CD93: variants seen among roughly 807,000 people sequenced by gnomAD.
CD93 encodes complement component C1q receptor.
Under a neutral mutation model 45.5 loss-of-function variants are expected in CD93, and 44 were observed. That is an observed-to-expected ratio of 0.97 (90% CI 0.76 to 1.24). The LOEUF (loss-of-function observed/expected upper bound fraction) is 1.24. CD93 is among the 50% of genes most tolerant of loss of function. CD93 has a pLI of 0.00. For synonymous variants in CD93, 431 were observed against 370.8 expected (o/e 1.16, Z -1.87); for missense variants, 918 against 844.5 (o/e 1.09, Z -1.08).
At position 23,084,641 on chromosome 20, in the gene CD93, T is replaced by C. The variant is rs748922159; in HGVS notation, c.1552A>G (p.Arg518Gly). Residue 518 changes from arginine to glycine, a missense_variant, in exon 1 of 2, where the codon AGA (arginine) becomes GGA (glycine). By Grantham distance (125) the Arg-to-Gly change is moderately radical. Transcript: ENST00000246006. ...GTPKATPTTS[R>G]PSLSSDAPIT... ...GGGGCGTCAGATGACAGCGAAGGTC[T>C]ACTTGTGGTGGGTGTAGCCTTGGGG... is the stretch of plus-strand genomic sequence containing the variant. 3 of 1,600,806 alleles carry C rather than the reference T, an allele frequency of 1.9e-6. No homozygotes were observed. The South Asian group carries it at 3.4e-5, about 18-fold the overall frequency.
At position 23,084,959 on chromosome 20, in the gene CD93, C is replaced by T. The variant is rs761270148; in HGVS notation, c.1234G>A (p.Glu412Lys). 2 of 1,613,784 alleles carry T rather than the reference C, an allele frequency of 1.2e-6. No individual in the cohort carries two copies. The highest frequency in any genetic ancestry group is 2.2e-5 in the South Asian group (2 of 91,088). The change falls in exon 1 of 2, where the codon GAG becomes AAG. Residue 412 changes from glutamate (E) to lysine (K), a missense_variant. Transcript: ENST00000246006. Reference sequence around the variant, plus strand: ...TCCCCGGCCAGGACGTAGCCCTCCTCACAGGAGCAGTGAAATGAGCCATCT... The same window carrying T: ...TCCCCGGCCAGGACGTAGCCCTCCTTACAGGAGCAGTGAAATGAGCCATCT... ...NTDGSFHCSC[E>K]EGYVLAGEDG... is the part of the protein sequence containing the mutation.
In CD93 at chr20:23,080,034, GA is replaced by G. The variant is rs983961204; in HGVS notation, c.*3915del. Reference sequence around the variant, plus strand: ...CCATGGGTTTTGCAGCCGAAGTAGAGACAGATGTTTTCTGGGATCATATCTC... The same window carrying G: ...CCATGGGTTTTGCAGCCGAAGTAGAGCAGATGTTTTCTGGGATCATATCTC... On this transcript the variant is annotated 3_prime_UTR_variant, in exon 2 of 2. Coordinates refer to ENST00000246006, the MANE Select transcript of CD93 (RefSeq NM_012072.4). 2 of 152,112 alleles carry G rather than the reference GA, an allele frequency of 1.3e-5. No homozygotes were observed. The highest frequency in any genetic ancestry group is 4.8e-5 in the African/African-American group (2 of 41,368). The allele number at this position is 152,112 out of a possible 1,614,324, so 9.4% of individuals were successfully genotyped here.
In CD93 at chr20:23,079,620, A is replaced by G. The variant is rs7492; in HGVS notation, c.*4330T>C. Reference sequence around the variant, plus strand: ...AAAAATACTTACATTCTCATTTAGCATTCATGAAGTGATTACTGACATTTA... The same window carrying G: ...AAAAATACTTACATTCTCATTTAGCGTTCATGAAGTGATTACTGACATTTA... On this transcript the variant is annotated 3_prime_UTR_variant, in exon 2 of 2. Coordinates refer to ENST00000246006, the MANE Select transcript of CD93 (RefSeq NM_012072.4). 133,456 of 152,226 alleles carry G rather than the reference A, an allele frequency of 0.88. 58,716 individuals carry two copies. Among genetic ancestry groups the G allele is most frequent in the East Asian group, 0.96 (4,949 of 5,168 alleles). 9.4% of individuals were successfully genotyped at this position (152,226 alleles called of 1,614,324 possible).
chr20:23,084,990 G>A lies in CD93; in HGVS notation c.1203C>T (p.Thr401=), dbSNP rs1055088849. ...AGCAGTGAAATGAGCCATCTGTGTT[G>A]GTGCAGCCCTGGGCGCAAGGCGAGC... ...LGRSPCAQGC[T]NTDGSFHCSC... is the part of the protein sequence containing the mutation. Residue 401 remains threonine (T), a synonymous_variant, in exon 1 of 2, where the codon ACC becomes ACT. Coordinates refer to ENST00000246006, the MANE Select transcript of CD93 (RefSeq NM_012072.4). 6.2e-7 allele frequency: 1 copy of A among 1,613,908 alleles called. No homozygotes were observed. The highest frequency in any genetic ancestry group is 8.5e-7 in the Non-Finnish European group (1 of 1,180,004).
intron 1 of CD93, 81 bp from the exon 2 acceptor site, chr20:23,084,055 G>C: frequency 6.5e-7 from 1 of 1,542,418 alleles, no homozygotes; most frequent in Non-Finnish European, 9.0e-7. Flanking sequence ...AGAGCCCCAC[G>C]TGCGGCCGTG....
Position 23,085,438 on chromosome 20 carries a change from C to G in CD93, c.755G>C (p.Ser252Thr). ...GGGGCTGACACAGAGGGGGCCCGAG[C>G]TGCCCCAGTCGAACACATCGGGGGC... is the stretch of plus-strand genomic sequence containing the variant. ...EKAPDVFDWG[S>T]SGPLCVSPKY... Residue 252 changes from serine (S) to threonine (T), a missense_variant, in exon 1 of 2, where the codon AGC becomes ACC. Coordinates refer to ENST00000246006, the MANE Select transcript of CD93 (RefSeq NM_012072.4). The G allele has an allele frequency of 3.1e-6, 5 of 1,613,840 alleles. No homozygotes were observed. Among genetic ancestry groups the G allele is most frequent in the Non-Finnish European group, 4.2e-6 (5 of 1,180,012 alleles).
Position 23,083,821 on chromosome 20 carries a change from G to T in CD93, c.*129C>A. ...TGTTCCAAGGGGCCTTTAAGGAGGA[G>T]ACTTACAATTGTTTGCTAAGATTCC... On this transcript the variant is annotated 3_prime_UTR_variant, in exon 2 of 2. Coordinates refer to ENST00000246006, the MANE Select transcript of CD93 (RefSeq NM_012072.4). 1.2e-6 allele frequency: 1 copy of T among 855,714 alleles called. No individual in the cohort carries two copies. The highest frequency in any genetic ancestry group is 2.0e-6 in the Non-Finnish European group (1 of 493,408). 53.0% of individuals were successfully genotyped at this position (855,714 alleles called of 1,614,324 possible). A position where few individuals can be genotyped will look rare whatever the true frequency, so the allele number is the denominator to read the frequency against.
chr20:23,084,785 C>T lies in CD93; in HGVS notation c.1408G>A (p.Gly470Arg), dbSNP rs1403426671. Residue 470 changes from glycine (G) to arginine (R), a missense_variant, in exon 1 of 2, where the codon GGG (glycine) becomes AGG (arginine). Gly to Arg is a moderately radical substitution (Grantham distance 125). Transcript: ENST00000246006. ...GATGGTGGTCCCAGAGACACAGGCC[C>T]CATGGTGCAAGAGACCCCATTTGGG... is the stretch of plus-strand genomic sequence containing the variant. ...LAPNGVSCTM[G>R]PVSLGPPSGP... 1.4e-5 allele frequency: 22 copies of T among 1,613,180 alleles called. No homozygotes were observed. The highest frequency in any genetic ancestry group is 1.9e-5 in the Non-Finnish European group (22 of 1,179,930).
Position 23,082,851 on chromosome 20 carries a change from G to A in CD93, c.*1099C>T, listed in dbSNP as rs1002855831. ...CACACTTCAGGATTTAAAATCTCAGGATGCTGCATCAACTGTGGACTATGA... is the reference window on the plus strand; with the variant it reads ...CACACTTCAGGATTTAAAATCTCAGAATGCTGCATCAACTGTGGACTATGA... On this transcript the variant is annotated 3_prime_UTR_variant, in exon 2 of 2. Coordinates refer to ENST00000246006, the MANE Select transcript of CD93 (RefSeq NM_012072.4). 6 of 152,594 alleles carry A rather than the reference G, an allele frequency of 3.9e-5. No individual in the cohort carries two copies. Among genetic ancestry groups the A allele is most frequent in the South Asian group, 2.1e-4 (1 of 4,826 alleles). The allele number at this position is 152,594 out of a possible 1,614,324, so 9.5% of individuals were successfully genotyped here.
In CD93 at chr20:23,085,360, C is replaced by A. The variant is rs200571735; in HGVS notation, c.833G>T (p.Gly278Val). The change falls in exon 1 of 2, where the codon GGG becomes GTG. Residue 278 changes from glycine to valine, a missense_variant. Transcript: ENST00000246006. ...GCCGCAGAGGAAGGAGCCATCCCCC[C>A]CTTCAAAGCAGTCCTGGTGGCAGCC... is the stretch of plus-strand genomic sequence containing the variant. ...NGGCHQDCFE[G>V]GDGSFLCGCR... The A allele has an allele frequency of 4.3e-5, 69 of 1,613,930 alleles. No individual in the cohort carries two copies. The highest frequency in any genetic ancestry group is 3.6e-4 in the East Asian group (16 of 44,882).
chr20:23,085,104 C>A lies in CD93; in HGVS notation c.1089G>T (p.Gly363=). Residue 363 remains glycine (G), a synonymous_variant, in exon 1 of 2, where the codon GGG becomes GGT. Coordinates refer to ENST00000246006, the MANE Select transcript of CD93 (RefSeq NM_012072.4). ...PCAQECVNTP[G]GFRCECWVGY... ...CAACCCAGCATTCGCAGCGGAAGCC[C>A]CCAGGGGTGTTGACACACTCCTGGG... The A allele has an allele frequency of 6.2e-7, 1 of 1,602,566 alleles. No individual in the cohort carries two copies. Among genetic ancestry groups the A allele is most frequent in the East Asian group, 2.2e-5 (1 of 44,732 alleles).
Position 23,085,024 on chromosome 20 carries a change from G to T in CD93, c.1169C>A (p.Ala390Asp). Residue 390 changes from alanine to aspartate, a missense_variant, in exon 1 of 2, where the codon GCT (alanine) becomes GAT (aspartate). By Grantham distance (126) the Ala-to-Asp change is moderately radical (BLOSUM62 -2). Coordinates refer to ENST00000246006, the MANE Select transcript of CD93 (RefSeq NM_012072.4). Reference protein sequence around the residue: ...EGACQDVDECALGRSPCAQGC... With the variant: ...EGACQDVDECDLGRSPCAQGC... Reference sequence around the variant, plus strand: ...CTGGGCGCAAGGCGAGCGACCCAGAGCACACTCATCCACATCCTGACAGGC... The same window carrying T: ...CTGGGCGCAAGGCGAGCGACCCAGATCACACTCATCCACATCCTGACAGGC... 1 of 1,613,980 alleles carries T rather than the reference G, an allele frequency of 6.2e-7. No homozygotes were observed. Among genetic ancestry groups the T allele is most frequent in the Non-Finnish European group, 8.5e-7 (1 of 1,180,006 alleles).
At position 23,080,057 on chromosome 20, in the gene CD93, T is replaced by C. The variant is rs1330780663; in HGVS notation, c.*3893A>G. 1 of 152,310 alleles carries C rather than the reference T, an allele frequency of 6.6e-6. No homozygotes were observed. The highest frequency in any genetic ancestry group is 1.9e-4 in the East Asian group (1 of 5,192). 9.4% of individuals were successfully genotyped at this position (152,310 alleles called of 1,614,324 possible). A position where few individuals can be genotyped will look rare whatever the true frequency, so the allele number is the denominator to read the frequency against. On this transcript the variant is annotated 3_prime_UTR_variant, in exon 2 of 2. Coordinates refer to ENST00000246006, the MANE Select transcript of CD93 (RefSeq NM_012072.4). ...GAGACAGATGTTTTCTGGGATCATA[T>C]CTCAGATTCCCAAGCTAAAGCTATT...
chr20:23,086,137 C>A lies in CD93; in HGVS notation c.56G>T (p.Gly19Val). Residue 19 changes from glycine (G) to valine (V), a missense_variant, in exon 1 of 2, where the codon GGG becomes GTG. By Grantham distance (109) the Gly-to-Val change is moderately radical (BLOSUM62 -3). Coordinates refer to ENST00000246006, the MANE Select transcript of CD93 (RefSeq NM_012072.4). Reference sequence around the variant, plus strand: ...CTCCGTGTCAGCTCCCGTCCCCGCCCCGGGCTGGGTCAGGAGCAGCAGCAG... The same window carrying A: ...CTCCGTGTCAGCTCCCGTCCCCGCCACGGGCTGGGTCAGGAGCAGCAGCAG... The part of the protein sequence containing the change: ...LLLLLLLTQP[G>V]AGTGADTEAV... 6.3e-7 allele frequency: 1 copy of A among 1,579,980 alleles called. No homozygotes were observed. The highest frequency in any genetic ancestry group is 8.5e-7 in the Non-Finnish European group (1 of 1,170,412).
chr20:23,084,655 G>A lies in CD93; in HGVS notation c.1538C>T (p.Thr513Ile), dbSNP rs2122706939. Residue 513 changes from threonine to isoleucine, a missense_variant, in exon 1 of 2, where the codon ACA becomes ATA. Coordinates refer to ENST00000246006, the MANE Select transcript of CD93 (RefSeq NM_012072.4). ...TRGPEGTPKA[T>I]PTTSRPSLSS... ...CAGCGAAGGTCTACTTGTGGTGGGT[G>A]TAGCCTTGGGGGTGCCCTCGGGGCC... 6.3e-7 allele frequency: 1 copy of A among 1,593,872 alleles called. No individual in the cohort carries two copies. Among genetic ancestry groups the A allele is most frequent in the Non-Finnish European group, 8.5e-7 (1 of 1,169,946 alleles).
chr20:23,085,529 T>G lies in CD93; in HGVS notation c.664A>C (p.Asn222His). 1 of 1,613,948 alleles carries G rather than the reference T, an allele frequency of 6.2e-7. No homozygotes were observed. Among genetic ancestry groups the G allele is most frequent in the Non-Finnish European group, 8.5e-7 (1 of 1,180,030 alleles). ...TTGTCACCTTCCCCACAGGCTACAT[T>G]GGCCGCAGAGGCAAAGGGCACAGCC... ...LEAVPFASAA[N>H]VACGEGDKDE... Residue 222 changes from asparagine (N) to histidine (H), a missense_variant, in exon 1 of 2, where the codon AAT (asparagine) becomes CAT (histidine). Coordinates refer to ENST00000246006, the MANE Select transcript of CD93 (RefSeq NM_012072.4).
rs1459950315 is a variant in CD93 at position 23,083,797 on chromosome 20, G to GT, written c.*152dup. 1 of 729,840 alleles carries GT rather than the reference G, an allele frequency of 1.4e-6. No individual in the cohort carries two copies. Among genetic ancestry groups the GT allele is most frequent in the African/African-American group, 1.7e-5 (1 of 57,274 alleles). 45.2% of individuals were successfully genotyped at this position (729,840 alleles called of 1,614,324 possible). On this transcript the variant is annotated 3_prime_UTR_variant, in exon 2 of 2. Transcript: ENST00000246006. ...AAACACCCGTAGAAAATACCTGCATGTTCCAAGGGGCCTTTAAGGAGGAGA... is the reference window on the plus strand; with the variant it reads ...AAACACCCGTAGAAAATACCTGCATGTTTCCAAGGGGCCTTTAAGGAGGAGA...
chr20:23,085,847 A>G lies in CD93; in HGVS notation c.346T>C (p.Trp116Arg), dbSNP rs1486503299. ...DPSLPLKGFS[W>R]VGGGEDTPYS... ...GGCGTGTCCTCCCCCCCGCCCACCC[A>G]GCTGAAGCCCTTCAGCGGCAGACTA... The change falls in exon 1 of 2, where the codon TGG (tryptophan) becomes CGG (arginine). Residue 116 changes from tryptophan to arginine, a missense_variant. Physicochemically the swap from Trp to Arg is moderately radical, Grantham distance 101. Coordinates refer to ENST00000246006, the MANE Select transcript of CD93 (RefSeq NM_012072.4). The G allele has an allele frequency of 4.4e-6, 1 of 225,036 alleles. No homozygotes were observed. Among genetic ancestry groups the G allele is most frequent in the Admixed American group, 5.6e-5 (1 of 17,898 alleles). 13.9% of individuals were successfully genotyped at this position (225,036 alleles called of 1,614,324 possible).
At position 23,080,119 on chromosome 20, in the gene CD93, C is replaced by T. The variant is rs886428882; in HGVS notation, c.*3831G>A. On this transcript the variant is annotated 3_prime_UTR_variant, in exon 2 of 2. Transcript: ENST00000246006. The stretch of plus-strand genomic sequence containing the variant: ...TGGAAATATGTAGGGGGCATTAAAC[C>T]ATTTTGCAGCTGCTAGAAAGCTGTG... 6.6e-6 allele frequency: 1 copy of T among 152,390 alleles called. No individual in the cohort carries two copies. The highest frequency in any genetic ancestry group is 2.4e-5 in the African/African-American group (1 of 41,374). 9.4% of individuals were successfully genotyped at this position (152,390 alleles called of 1,614,324 possible).
Sources: allele counts gnomAD v4.1 joint callset, GRCh38; gene constraint gnomAD v4.1.1; transcripts MANE v1.5; gene names NCBI Gene and HGNC (gene_info 2026-07-23, HGNC 2026-07-21).